ATXN1: variants seen among roughly 807,000 people sequenced by gnomAD.
ATXN1 encodes the protein ataxin 1.
Under a neutral mutation model 56.4 loss-of-function variants are expected in ATXN1, and 8 were observed. That is an observed-to-expected ratio of 0.14 (90% confidence interval 0.08 to 0.26). ATXN1 has a LOEUF of 0.26. Among genes scored for constraint, ATXN1 ranks in the 10% least tolerant of loss-of-function variants. The pLI is 1.00. For synonymous variants in ATXN1, 514 were observed against 494.6 expected, an observed-to-expected ratio of 1.04 and a Z score of -0.52; for missense variants, 987 against 1,106.5, an observed-to-expected ratio of 0.89 and a Z score of 1.53.
In ATXN1 at chr6:16,328,745, C is replaced by T. The variant is rs989840480; in HGVS notation, c.-160-275G>A. ...CTAACATGGTGAAACCCCGTCTCTA[C>T]CAAAAATAAAAAATAAAAAACAAAT... On this transcript the variant is annotated intron_variant, in intron 6 of 7. Coordinates refer to ENST00000436367, the MANE Select transcript of ATXN1 (RefSeq NM_001128164.2). The surrounding 1 kb of genome is among the most constrained non-coding windows in gnomAD (Gnocchi z 6.2). Among the ~76,000 whole-genome samples, 7 of 151,992 alleles carry T rather than the reference C, an allele frequency of 4.6e-5. No individual in the cohort carries two copies. The highest frequency in any genetic ancestry group is 1.0e-4 in the Non-Finnish European group (7 of 67,986).
chr6:16,760,126 A>G lies in ATXN1; in HGVS notation c.-730+1172T>C, dbSNP rs1313125541. On this transcript the variant is annotated intron_variant, in intron 1 of 7. Coordinates refer to ENST00000436367, the MANE Select transcript of ATXN1 (RefSeq NM_001128164.2). The surrounding 1 kb of genome is among the most constrained non-coding windows in gnomAD (Gnocchi z 5.3). ...CCGGCCTGCGCGCAGCACTGGAACC[A>G]CGTAGGAGGAGGCGGCGGCGCCCCC... is the stretch of plus-strand genomic sequence containing the variant. 6.6e-6 allele frequency among the ~76,000 whole-genome samples: 1 copy of G among 151,684 alleles called. No individual in the cohort carries two copies. The highest frequency in any genetic ancestry group is 1.5e-5 in the Non-Finnish European group (1 of 67,838).
At chr6:16,334,201 A>G (rs1358781322) in intron 6 of ATXN1, among the ~76,000 whole-genome samples, 1 of 152,208 alleles carries the variant, frequency 6.6e-6, no homozygotes, top group African/African-American at 2.4e-5. Context: ...AGATTCAAAT[A>G]TATCTTAAGA....
chr6:16,346,969 A>G lies in ATXN1; in HGVS notation c.-160-18499T>C, dbSNP rs58241493. On this transcript the variant is annotated intron_variant, in intron 6 of 7. Transcript: ENST00000436367. ...TGGCTGTGGGCTCCGTGGGCCCCGC[A>G]CTCGGAGCAGCGGCGGACCCCGCCG... Among the ~76,000 whole-genome samples, 13 of 152,156 alleles carry G rather than the reference A, an allele frequency of 8.5e-5. No homozygotes were observed. In the East Asian group the frequency reaches 2.5e-3, roughly 29 times the overall value.
At chr6:16,651,600 A>G (rs1763894752) in intron 3 of ATXN1, among the ~76,000 whole-genome samples, 1 of 151,994 alleles carries the variant, frequency 6.6e-6, no homozygotes, top group Non-Finnish European at 1.5e-5. Context: ...GCAGAGGAAG[A>G]GGAGGTGTCC....
chr6:16,392,574 C>A (rs913138820), intron 6 of ATXN1, among the ~76,000 whole-genome samples: 1 of 151,974 alleles, frequency 6.6e-6, no homozygotes, highest in African/African-American at 2.4e-5. Flanking sequence ...TGGCTCCCTG[C>A]AACCTCCGCC....
At chr6:16,588,253 C>A (rs1217907416) in intron 3 of ATXN1, among the ~76,000 whole-genome samples, 2 of 152,210 alleles carry the variant, frequency 1.3e-5, no homozygotes, top group East Asian at 3.8e-4. Context: ...CACCCTGCCA[C>A]CCTACTACCT....
At chr6:16,357,257 A>ATTT (rs869140920) in intron 6 of ATXN1, among the ~76,000 whole-genome samples, 1 of 46,998 alleles carries the variant, frequency 2.1e-5, no homozygotes, top group African/African-American at 1.2e-4. Context: ...ATTTTATTTT[A>ATTT]TTTATTTTAT....
chr6:16,736,139 T>C (rs907418102), intron 2 of ATXN1, among the ~76,000 whole-genome samples: 3 of 152,224 alleles, frequency 2.0e-5, no homozygotes, highest in Admixed American at 2.0e-4. Context: ...AATAATGAAA[T>C]GTATTCCTCT....
At chr6:16,455,672 T>G (rs1484010473) in intron 6 of ATXN1, among the ~76,000 whole-genome samples, 1 of 152,138 alleles carries the variant, frequency 6.6e-6, no homozygotes, top group Admixed American at 6.5e-5. Flanking sequence ...CTGTGGTACA[T>G]CCATACAATA....
At chr6:16,740,278 A>C (rs1249596892) in intron 2 of ATXN1, among the ~76,000 whole-genome samples, 2 of 152,216 alleles carry the variant, frequency 1.3e-5, no homozygotes, top group Non-Finnish European at 2.9e-5. Flanking sequence ...AACAGTAGAT[A>C]CTTAATTATT....
intron 5 of ATXN1, among the ~76,000 whole-genome samples, chr6:16,488,625 T>C (rs1760597264): frequency 6.6e-6 from 1 of 152,234 alleles, no homozygotes; most frequent in Non-Finnish European, 1.5e-5. Flanking sequence ...ATCAGTAGTT[T>C]GCTTTCTTCA....
intron 3 of ATXN1, among the ~76,000 whole-genome samples, chr6:16,637,138 C>A (rs1156733514): frequency 2.0e-5 from 3 of 152,116 alleles, no homozygotes; most frequent in Admixed American, 6.5e-5. Flanking sequence ...AAATGTGGCA[C>A]ATATACACCA....
At chr6:16,640,421 C>T (rs568688318) in intron 3 of ATXN1, among the ~76,000 whole-genome samples, 21 of 152,232 alleles carry the variant, frequency 1.4e-4, no homozygotes, top group Non-Finnish European at 2.4e-4. Context: ...CGGGGGCTCA[C>T]GCCTGTAATC....
At chr6:16,623,933 A>C (rs1049901820) in intron 3 of ATXN1, among the ~76,000 whole-genome samples, 1 of 152,240 alleles carries the variant, frequency 6.6e-6, no homozygotes, top group African/African-American at 2.4e-5. Context: ...TGTATGATTC[A>C]CCCTCTATGA....
At chr6:16,744,499 T>C (rs527725029) in intron 2 of ATXN1, among the ~76,000 whole-genome samples, 1 of 152,188 alleles carries the variant, frequency 6.6e-6, no homozygotes, top group South Asian at 2.1e-4. Context: ...TTCTACCCAC[T>C]GCTCCCAGGA....
At chr6:16,726,406 T>C (rs1434566389) in intron 2 of ATXN1, among the ~76,000 whole-genome samples, 1 of 149,168 alleles carries the variant, frequency 6.7e-6, no homozygotes, top group Non-Finnish European at 1.5e-5. Context: ...AAGGGAAGGG[T>C]TCCCAGTTCT....
intron 5 of ATXN1, among the ~76,000 whole-genome samples, chr6:16,521,518 A>T (rs953483421): frequency 6.6e-6 from 1 of 152,268 alleles, no homozygotes; most frequent in African/African-American, 2.4e-5. Context: ...AGATCGTGCC[A>T]CTGCACTCCA....
intron 2 of ATXN1, among the ~76,000 whole-genome samples, chr6:16,701,840 C>A (rs1042270096): frequency 6.6e-6 from 1 of 152,254 alleles, no homozygotes; most frequent in East Asian, 1.9e-4. Context: ...AAAGAGGATA[C>A]AAACAAATGG....
At chr6:16,496,849 A>G (rs970827806) in intron 5 of ATXN1, among the ~76,000 whole-genome samples, 13 of 152,248 alleles carry the variant, frequency 8.5e-5, no homozygotes, top group Admixed American at 4.6e-4. Flanking sequence ...TTCTCGGGGA[A>G]GAGCATATCC....
Sources: allele counts gnomAD v4.1 joint callset (sites outside exome capture counted in the v4.1 genomes callset), GRCh38; gene constraint gnomAD v4.1.1; non-coding constraint Gnocchi (gnomAD v3.1); transcripts MANE v1.5; gene names NCBI Gene and HGNC (gene_info 2026-07-23, HGNC 2026-07-21).